CDH4: variants seen among roughly 807,000 people sequenced by gnomAD.
The protein encoded by CDH4 is cadherin 4, also known as cadherin-4.
CDH4 carries 33 observed loss-of-function variants against 86.0 expected under a neutral mutation model. That is an observed-to-expected ratio of 0.38 (90% CI 0.29 to 0.51). The LOEUF (loss-of-function observed/expected upper bound fraction) is 0.51. Ranked by LOEUF, CDH4 falls within the 20% of genes least tolerant of loss-of-function variation. CDH4 has a pLI of 0.86. For missense variants in CDH4, 1,114 were observed against 1,307.4 expected (o/e 0.85, Z 2.28); for synonymous variants, 555 against 549.4 (o/e 1.01, Z -0.14).
At chr20:61,367,734 C>T (rs2084818712) in intron 2 of CDH4, among the ~76,000 whole-genome samples, 1 of 152,132 alleles carries the variant, frequency 6.6e-6, no homozygotes, top group African/African-American at 2.4e-5. Flanking sequence ...AGAAAATCAC[C>T]ATTTGACAAG....
chr20:61,619,886 G>T (rs2086755915), intron 2 of CDH4, among the ~76,000 whole-genome samples: 1 of 152,222 alleles, frequency 6.6e-6, no homozygotes, highest in Admixed American at 6.5e-5. Context: ...GCAGCGCTGG[G>T]GCCTGACGGC....
rs369842338 is a variant in CDH4, at chr20:61,522,586, A to G, written c.170-220977A>G. Reference sequence around the variant, plus strand: ...ATTAGCTTTTATTTAACTTAGTAAAAGGTAATTTGTTTTTATTAATTGATT... The same window carrying G: ...ATTAGCTTTTATTTAACTTAGTAAAGGGTAATTTGTTTTTATTAATTGATT... On this transcript the variant is annotated intron_variant, in intron 2 of 15. Transcript: ENST00000614565. Among the ~76,000 whole-genome samples, 459 of 152,354 alleles carry G rather than the reference A, an allele frequency of 3.0e-3. 3 individuals are homozygous for G. Among genetic ancestry groups the G allele is most frequent in the African/African-American group, 0.011 (439 of 41,574 alleles).
chr20:61,505,435 C>T (rs1454134397), intron 2 of CDH4, among the ~76,000 whole-genome samples: 4 of 152,154 alleles, frequency 2.6e-5, no homozygotes, highest in African/African-American at 7.2e-5. Flanking sequence ...GTTCTGAGGG[C>T]GACTCTCTTT....
intron 2 of CDH4, among the ~76,000 whole-genome samples, chr20:61,451,320 C>CAT (rs2085379458): frequency 1.3e-5 from 2 of 152,148 alleles, no homozygotes; most frequent in Admixed American, 6.5e-5. Context: ...GTCTCAGCTG[C>CAT]GTCAGAGTGG....
intron 2 of CDH4, among the ~76,000 whole-genome samples, chr20:61,558,584 C>T (rs1023043246): frequency 6.6e-6 from 1 of 152,198 alleles, no homozygotes; most frequent in Admixed American, 6.5e-5. Context: ...GCAGGAGATG[C>T]TCAGGAAATG....
chr20:61,646,263 A>T (rs1485466140), intron 2 of CDH4, among the ~76,000 whole-genome samples: 1 of 151,714 alleles, frequency 6.6e-6, no homozygotes, highest in Non-Finnish European at 1.5e-5. Flanking sequence ...TGAAATTTAA[A>T]CCTCCTGACA....
At chr20:61,657,223 T>C (rs2087201837) in intron 2 of CDH4, among the ~76,000 whole-genome samples, 1 of 152,184 alleles carries the variant, frequency 6.6e-6, no homozygotes, top group Non-Finnish European at 1.5e-5. Flanking sequence ...TCATCCTATC[T>C]CATGCAAATC....
chr20:61,296,481 A>G (rs974679825), intron 2 of CDH4, among the ~76,000 whole-genome samples: 1 of 152,046 alleles, frequency 6.6e-6, no homozygotes, highest in African/African-American at 2.4e-5. Flanking sequence ...CATGATTCAT[A>G]GAAAAAAAAT....
chr20:61,917,291 T>A (rs1459148125), intron 9 of CDH4, among the ~76,000 whole-genome samples: 1 of 152,202 alleles, frequency 6.6e-6, no homozygotes, highest in Non-Finnish European at 1.5e-5. Context: ...CATACCCTCC[T>A]CAGGGCCCAG....
At position 61,770,703 on chromosome 20, in the gene CDH4, A is replaced by G. The variant is rs186326227; in HGVS notation, c.397-2300A>G. Among the ~76,000 whole-genome samples, 1,207 of 152,206 alleles carry G rather than the reference A, an allele frequency of 7.9e-3. 18 individuals are homozygous for G. The highest frequency in any genetic ancestry group is 0.028 in the African/African-American group (1,148 of 41,546). ...TCGAGACCATCCTGGCTAACACGGTAAAACCCCGTCTCTACTAAAAATACA... is the reference window on the plus strand; with the variant it reads ...TCGAGACCATCCTGGCTAACACGGTGAAACCCCGTCTCTACTAAAAATACA... On this transcript the variant is annotated intron_variant, in intron 3 of 15. Transcript: ENST00000614565.
intron 2 of CDH4, among the ~76,000 whole-genome samples, chr20:61,549,494 G>C (rs948581441): frequency 1.3e-5 from 2 of 152,224 alleles, no homozygotes; most frequent in African/African-American, 4.8e-5. Flanking sequence ...GGAGGTTTAG[G>C]GGGCAGGATG....
intron 2 of CDH4, chr20:61,718,820 G>A (rs750329998): frequency 7.2e-5 from 34 of 471,052 alleles, no homozygotes; most frequent in Non-Finnish European, 1.3e-4. Context: ...CCACCATCCC[G>A]GGCTCCCAGC....
intron 2 of CDH4, among the ~76,000 whole-genome samples, chr20:61,306,393 A>G (rs903257676): frequency 8.6e-5 from 13 of 151,904 alleles, no homozygotes; most frequent in African/African-American, 3.1e-4. Flanking sequence ...GCTGGAGTAC[A>G]GTGGCACGAT....
chr20:61,643,204 AG>A (rs200390573), intron 2 of CDH4, among the ~76,000 whole-genome samples: 4 of 152,072 alleles, frequency 2.6e-5, no homozygotes, highest in Non-Finnish European at 4.4e-5. Context: ...CATCACAGGG[AG>A]GGGGGGTGTA....
intron 2 of CDH4, among the ~76,000 whole-genome samples, chr20:61,688,941 A>AT (rs1367266816): frequency 6.6e-6 from 1 of 152,246 alleles, no homozygotes; most frequent in Admixed American, 6.5e-5. Flanking sequence ...GTAGAAAGTG[A>AT]AAAACACACA....
chr20:61,653,288 G>A (rs1300491487), intron 2 of CDH4, among the ~76,000 whole-genome samples: 1 of 134,058 alleles, frequency 7.5e-6, no homozygotes, highest in East Asian at 2.0e-4. Flanking sequence ...CAAGGCAGAA[G>A]AATTTTTCTT....
chr20:61,413,190 G>GC (rs1343179182), intron 2 of CDH4, among the ~76,000 whole-genome samples: 2 of 84,960 alleles, frequency 2.4e-5, no homozygotes, highest in Admixed American at 1.3e-4. Context: ...GAGCTTCCCC[G>GC]CCCCCCACCC....
chr20:61,855,663 T>C (rs1982966645), intron 6 of CDH4, among the ~76,000 whole-genome samples: 1 of 152,244 alleles, frequency 6.6e-6, no homozygotes, highest in East Asian at 1.9e-4. Context: ...AAAAGCGCAA[T>C]TGGCTTTGCT....
chr20:61,358,845 TC>T (rs1159919696), intron 2 of CDH4, among the ~76,000 whole-genome samples: 5 of 152,148 alleles, frequency 3.3e-5, no homozygotes, highest in Non-Finnish European at 7.3e-5. Context: ...CGGAAACCGT[TC>T]CCTCTACAGG....
Sources: allele counts gnomAD v4.1 joint callset (sites outside exome capture counted in the v4.1 genomes callset), GRCh38; gene constraint gnomAD v4.1.1; transcripts MANE v1.5; gene names NCBI Gene and HGNC (gene_info 2026-07-23, HGNC 2026-07-21).